Variants in GABRG3 observed in about 807,000 individuals in gnomAD.
GABRG3 encodes the protein gamma-aminobutyric acid receptor subunit gamma-3.
Under a neutral mutation model 48.8 loss-of-function variants are expected in GABRG3, and 25 were observed. The observed-to-expected ratio is 0.51, with a 90% CI of 0.37 to 0.72. GABRG3 has a LOEUF of 0.72. Ranked by LOEUF, GABRG3 falls within the 30% of genes least tolerant of loss-of-function variation. The pLI, the probability that GABRG3 is intolerant of heterozygous loss-of-function variation, is 0.00. For synonymous variants in GABRG3, 227 were observed against 217.6 expected (o/e 1.04, Z -0.38); for missense variants, 394 against 577.9 (o/e 0.68, Z 3.26).
chr15:27,305,495 TATATATAAAC>T lies in GABRG3; in HGVS notation c.271-21296_271-21287del, dbSNP rs558328153. Among the ~76,000 whole-genome samples the T allele has an allele frequency of 6.9e-4, 101 of 147,316 alleles. 1 individual carries two copies. The South Asian group carries it at 0.014, about 20-fold the overall frequency. On this transcript the variant is annotated intron_variant, in intron 3 of 9. Transcript: ENST00000615808. ...GTGTGTGGTCTGTGTGTTTTTTATA[TATATATAAAC>T]ATATATAAACATATATATAATATAA...
At chr15:27,049,163 T>C (rs1314387289) in intron 3 of GABRG3, among the ~76,000 whole-genome samples, 1 of 152,238 alleles carries the variant, frequency 6.6e-6, no homozygotes, top group Non-Finnish European at 1.5e-5. Flanking sequence ...CTGGTGTCTC[T>C]CTCTTGATGT....
chr15:27,523,395 A>G (rs890404024), intron 7 of GABRG3, among the ~76,000 whole-genome samples: 11 of 151,726 alleles, frequency 7.2e-5, no homozygotes, highest in African/African-American at 2.4e-4. Context: ...TCTTTATATT[A>G]ATATTTTTGT....
intron 3 of GABRG3, among the ~76,000 whole-genome samples, chr15:27,062,794 T>C (rs1184654522): frequency 1.3e-5 from 2 of 152,226 alleles, no homozygotes; most frequent in Non-Finnish European, 2.9e-5. Flanking sequence ...TACTAGTTAA[T>C]GCTCCATTAA....
intron 2 of GABRG3, among the ~76,000 whole-genome samples, chr15:26,981,011 A>G (rs1185896575): frequency 6.6e-6 from 1 of 152,176 alleles, no homozygotes; most frequent in Non-Finnish European, 1.5e-5. Flanking sequence ...AATCTGTACA[A>G]CAAATTTCCA....
intron 6 of GABRG3, among the ~76,000 whole-genome samples, chr15:27,509,435 T>C (rs1890844689): frequency 6.6e-6 from 1 of 152,216 alleles, no homozygotes; most frequent in African/African-American, 2.4e-5. Context: ...TCTTCAAATA[T>C]ATTGTTTTCT....
intron 5 of GABRG3, among the ~76,000 whole-genome samples, chr15:27,474,411 A>C (rs149913550): frequency 1.6e-4 from 25 of 152,324 alleles, no homozygotes; most frequent in African/African-American, 5.8e-4. Flanking sequence ...AGTATGTCAA[A>C]CATCCAACAA....
In GABRG3 at chr15:27,118,341, G is replaced by C. The variant is rs148801041; in HGVS notation, c.270+91520G>C. On this transcript the variant is annotated intron_variant, in intron 3 of 9. Coordinates refer to ENST00000615808, the MANE Select transcript of GABRG3 (RefSeq NM_033223.5). ...TAAGGATGATGGCATTGACTAACATGGCATTTCAACCTACTTGCTTTCCCT... is the reference window on the plus strand; with the variant it reads ...TAAGGATGATGGCATTGACTAACATCGCATTTCAACCTACTTGCTTTCCCT... Among the ~76,000 whole-genome samples the C allele has an allele frequency of 6.2e-4, 94 of 152,182 alleles. No homozygotes were observed. In the East Asian group the frequency reaches 0.016, roughly 26 times the overall value.
intron 3 of GABRG3, among the ~76,000 whole-genome samples, chr15:27,127,336 A>G (rs1259683540): frequency 6.6e-6 from 1 of 151,958 alleles, no homozygotes; most frequent in Non-Finnish European, 1.5e-5. Context: ...GCTAAGTAAA[A>G]TAAGCCAGTC....
intron 7 of GABRG3, among the ~76,000 whole-genome samples, chr15:27,526,903 A>T (rs1891290525): frequency 6.6e-6 from 1 of 152,218 alleles, no homozygotes; most frequent in Admixed American, 6.5e-5. Context: ...GTAAAGACAT[A>T]TGCGATTCCC....
chr15:27,355,112 C>T (rs1048158569), intron 5 of GABRG3, among the ~76,000 whole-genome samples: 4 of 152,124 alleles, frequency 2.6e-5, no homozygotes, highest in Admixed American at 6.5e-5. Flanking sequence ...AGCTGCCTTC[C>T]GATGAGCCAC....
At chr15:27,006,261 G>A (rs1895582846) in intron 2 of GABRG3, among the ~76,000 whole-genome samples, 2 of 151,996 alleles carry the variant, frequency 1.3e-5, no homozygotes, top group Admixed American at 1.3e-4. Context: ...GAGTGGAGTG[G>A]CGCTATCTAG....
intron 5 of GABRG3, among the ~76,000 whole-genome samples, chr15:27,463,551 G>A (rs866112900): frequency 9.8e-5 from 15 of 152,306 alleles, no homozygotes; most frequent in Middle Eastern, 6.8e-3. Flanking sequence ...CCCTGGGAGA[G>A]GCCCTAGCAC....
intron 3 of GABRG3, among the ~76,000 whole-genome samples, chr15:27,124,014 G>A (rs1166751331): frequency 2.0e-5 from 3 of 152,288 alleles, no homozygotes; most frequent in East Asian, 1.9e-4. Context: ...GGAAGCCTAC[G>A]CTTTAGTGGG....
At chr15:27,156,298 C>CAAAAAA (rs34055206) in intron 3 of GABRG3, among the ~76,000 whole-genome samples, 4 of 78,122 alleles carry the variant, frequency 5.1e-5, no homozygotes, top group African/African-American at 1.5e-4. Flanking sequence ...CACTCTGTCT[C>CAAAAAA]AAAAAAAAAA....
chr15:27,191,207 T>A (rs1401808678), intron 3 of GABRG3, among the ~76,000 whole-genome samples: 1 of 152,202 alleles, frequency 6.6e-6, no homozygotes, highest in Admixed American at 6.5e-5. Flanking sequence ...TCTGTTGATT[T>A]GGGGTGGAGA....
At chr15:26,995,528 T>A (rs1213058348) in intron 2 of GABRG3, among the ~76,000 whole-genome samples, 1 of 146,856 alleles carries the variant, frequency 6.8e-6, no homozygotes, top group Non-Finnish European at 1.5e-5. Context: ...TTCCTCTTTT[T>A]CTCGTTTAAT....
intron 3 of GABRG3, among the ~76,000 whole-genome samples, chr15:27,028,972 A>G (rs1034984600): frequency 2.0e-5 from 3 of 152,108 alleles, no homozygotes; most frequent in African/African-American, 7.2e-5. Flanking sequence ...GGCCGGGGGC[A>G]TTGTAAGCCC....
At chr15:27,014,735 G>A (rs138087534) in intron 2 of GABRG3, among the ~76,000 whole-genome samples, 1 of 152,308 alleles carries the variant, frequency 6.6e-6, no homozygotes, top group African/African-American at 2.4e-5. Context: ...AGGAGAAGGT[G>A]TATTTTGCTG....
Position 27,160,284 on chromosome 15 carries a change from T to C in GABRG3, c.270+133463T>C, listed in dbSNP as rs184043498. ...GAGTTCTGGGCCATCTTTCCTTAGG[T>C]CAGTCTGATTGTGAGCTGCTTCTTG... On this transcript the variant is annotated intron_variant, in intron 3 of 9. Transcript: ENST00000615808. 8.5e-5 allele frequency among the ~76,000 whole-genome samples: 13 copies of C among 152,264 alleles called. No homozygotes were observed. In the East Asian group the frequency reaches 2.5e-3, roughly 29 times the overall value.
Sources: gnomAD v4.1 joint callset for allele counts (sites outside exome capture counted in the v4.1 genomes callset) on GRCh38, gnomAD v4.1.1 for gene constraint, MANE v1.5 for transcripts, NCBI Gene and HGNC (gene_info 2026-07-23, HGNC 2026-07-21) for gene names.